The following CCDC59 variants were observed in gnomAD, a reference collection of about 807,000 sequenced individuals.
The protein encoded by CCDC59 is coiled-coil domain containing 59.
In CCDC59, 27 loss-of-function variants were observed where a neutral mutation model predicts 30.5. The observed-to-expected ratio is 0.89, with a 90% confidence interval of 0.65 to 1.22. The LOEUF (loss-of-function observed/expected upper bound fraction) is 1.22. Ranked by LOEUF, CCDC59 falls within the 50% of genes most tolerant of loss-of-function variation. CCDC59 has a pLI of 0.00. For synonymous variants in CCDC59, 125 were observed against 100.9 expected, an observed-to-expected ratio of 1.24 and a Z score of -1.43; for missense variants, 362 against 284.4, an observed-to-expected ratio of 1.27 and a Z score of -1.96.
At chr12:82,354,424 C>A (rs1336714345) in intron 3 of CCDC59, 71 bp downstream of exon 3, 2 of 1,189,714 alleles carry the variant, frequency 1.7e-6, no homozygotes, top group Non-Finnish European at 2.3e-6. Context: ...CCAAGAAGCA[C>A]AACAGGTATA....
chr12:82,354,792 T>G, intron 2 of CCDC59, 198 bp from the exon 3 acceptor site: 1 of 396,202 alleles, frequency 2.5e-6, no homozygotes. Context: ...CTTTTAAAAG[T>G]AATGAAACCA....
Position 82,354,549 on chromosome 12 carries a change from T to C in CCDC59, c.510A>G (p.Gln170=). The C allele has an allele frequency of 1.2e-6, 2 of 1,601,726 alleles. No homozygotes were observed. Among genetic ancestry groups the C allele is most frequent in the Non-Finnish European group, 1.7e-6 (2 of 1,172,302 alleles). The change falls in exon 3 of 4, where the codon CAA becomes CAG. Residue 170 remains glutamine (Q), a synonymous_variant. Transcript: ENST00000256151. The part of the protein sequence containing the change: ...PKKNKKKTSN[Q]KAQEEYEQIQ... Reference sequence around the variant, plus strand: ...TCTGTTCATATTCTTCTTGTGCTTTTTGATTTGATGTTTTCTTTTTATTTT... The same window carrying C: ...TCTGTTCATATTCTTCTTGTGCTTTCTGATTTGATGTTTTCTTTTTATTTT...
At chr12:82,356,349 C>T (rs1881009169) in intron 2 of CCDC59, among the ~76,000 whole-genome samples, 1 of 152,182 alleles carries the variant, frequency 6.6e-6, no homozygotes, top group African/African-American at 2.4e-5. Context: ...GTAGCTAACG[C>T]TCAAGAGCAC....
intron 3 of CCDC59, among the ~76,000 whole-genome samples, chr12:82,353,693 T>C (rs1880900756): frequency 6.6e-6 from 1 of 152,164 alleles, no homozygotes; most frequent in Non-Finnish European, 1.5e-5. Flanking sequence ...TGAAGAAATT[T>C]TCCTGCTTTC....
chr12:82,353,168 T>G lies in CCDC59; in HGVS notation c.709A>C (p.Ile237Leu). 6.3e-7 allele frequency: 1 copy of G among 1,599,932 alleles called. No homozygotes were observed. The highest frequency in any genetic ancestry group is 8.5e-7 in the Non-Finnish European group (1 of 1,176,702). Residue 237 changes from isoleucine to leucine, a missense_variant, in exon 4 of 4, where the codon ATA (isoleucine) becomes CTA (leucine). Physicochemically the swap from Ile to Leu is conservative, Grantham distance 5. Transcript: ENST00000256151. Reference sequence around the variant, plus strand: ...CAAAATGTTTAACATTTTTCTTGTATTTTTTGAAGAAGGTACTCCATTTGT... The same window carrying G: ...CAAAATGTTTAACATTTTTCTTGTAGTTTTTGAAGAAGGTACTCCATTTGT... ...NVQMEYLLQK[I>L]QEKC
At chr12:82,355,895 ACCTT>A (rs1383415077) in intron 2 of CCDC59, 1 of 152,088 alleles carries the variant, frequency 6.6e-6, no homozygotes, top group Non-Finnish European at 1.5e-5. Context: ...ATGATTTTTT[ACCTT>A]CCTTTCTCAT....
chr12:82,354,602 T>G lies in CCDC59; in HGVS notation c.465-8A>C. ...TTTGGAATTGTAAAGGAGCTTTTAA[T>G]TGGGGGATGAGGAAACAGGACTTTA... On this transcript the variant is annotated splice_region_variant and splice_polypyrimidine_tract_variant and intron_variant, in intron 2 of 3. Coordinates refer to ENST00000256151, the MANE Select transcript of CCDC59 (RefSeq NM_014167.5). 6.4e-7 allele frequency: 1 copy of G among 1,565,486 alleles called. No individual in the cohort carries two copies. The highest frequency in any genetic ancestry group is 2.3e-5 in the East Asian group (1 of 43,330).
chr12:82,358,279 C>G lies in CCDC59; in HGVS notation c.98G>C (p.Arg33Thr). The change falls in exon 1 of 4, where the codon AGA (arginine) becomes ACA (threonine). Residue 33 changes from arginine to threonine, a missense_variant. Transcript: ENST00000256151. Reference sequence around the variant, plus strand: ...GTGGTTAGGCCGCCATGTCTTCTGTCTCACATTCTTATTCCTGTACCCGAC... The same window carrying G: ...GTGGTTAGGCCGCCATGTCTTCTGTGTCACATTCTTATTCCTGTACCCGAC... ...STVGYRNKNV[R>T]QKTWRPNHPQ... 5 of 1,614,222 alleles carry G rather than the reference C, an allele frequency of 3.1e-6. No homozygotes were observed. Among genetic ancestry groups the G allele is most frequent in the Non-Finnish European group, 4.2e-6 (5 of 1,180,042 alleles).
intron 3 of CCDC59, 52 bp from the exon 4 acceptor site, chr12:82,353,364 T>C (rs774341442): frequency 7.0e-7 from 1 of 1,422,764 alleles, no homozygotes; most frequent in East Asian, 2.3e-5. Context: ...GTAGATACAG[T>C]TCAGAAATTG....
rs1444236159 is a variant in CCDC59 at position 82,353,294 on chromosome 12, G to A, written c.583C>T (p.Gln195Ter). 6.2e-7 allele frequency: 1 copy of A among 1,601,152 alleles called. No individual in the cohort carries two copies. Among genetic ancestry groups the A allele is most frequent in the African/African-American group, 1.4e-5 (1 of 73,844 alleles). ...AKKQEFERRK[Q>*]EREEAQRQYK... The stretch of plus-strand genomic sequence containing the variant: ...TGCCTTTGGGCTTCTTCTCTCTCCT[G>A]TTTTCTCCTCTCGAATTCCTAAAAT... The change falls in exon 4 of 4, where the codon CAG becomes TAG. Residue 195 changes from glutamine (Q) to a stop codon, truncating the protein, a stop_gained. Transcript: ENST00000256151. LOFTEE classifies it high-confidence loss of function.
chr12:82,353,462 A>G, intron 3 of CCDC59, 150 bp from the exon 4 acceptor site: 1 of 593,310 alleles, frequency 1.7e-6, no homozygotes, highest in East Asian at 2.9e-5. Flanking sequence ...ATTGAAGCAA[A>G]GTACCCTCTT....
At chr12:82,353,579 A>G (rs924039076) in intron 3 of CCDC59, among the ~76,000 whole-genome samples, 2 of 152,190 alleles carry the variant, frequency 1.3e-5, no homozygotes, top group African/African-American at 2.4e-5. Context: ...GTTTTACAGC[A>G]TAATGGTCAT....
intron 3 of CCDC59, among the ~76,000 whole-genome samples, 180 bp from the exon 4 acceptor site, chr12:82,353,492 C>A (rs550961290): frequency 6.6e-6 from 1 of 152,096 alleles, no homozygotes; most frequent in Non-Finnish European, 1.5e-5. Flanking sequence ...ATTATAATGA[C>A]CCATGGTATA....
chr12:82,357,211 T>C lies in CCDC59; in HGVS notation c.213A>G (p.Leu71=). 6.2e-7 allele frequency: 1 copy of C among 1,614,178 alleles called. No homozygotes were observed. Among genetic ancestry groups the C allele is most frequent in the African/African-American group, 1.3e-5 (1 of 75,064 alleles). ...LKIQQSYKKL[L]RKEKKAQTSL... is the part of the protein sequence containing the mutation. ...ACGTTTGAGCCTTCTTTTCCTTCCG[T>C]AGCAATTTCTTGTAACTTTGCTGTA... is the stretch of plus-strand genomic sequence containing the variant. The change falls in exon 2 of 4, where the codon CTA becomes CTG. Residue 71 remains leucine, a synonymous_variant. Coordinates refer to ENST00000256151, the MANE Select transcript of CCDC59 (RefSeq NM_014167.5).
At chr12:82,354,771 A>G in intron 2 of CCDC59, 177 bp from the exon 3 acceptor site, 1 of 329,972 alleles carries the variant, frequency 3.0e-6, no homozygotes, top group Non-Finnish European at 5.1e-6. Context: ...CTAAAATGTT[A>G]AAAAAAAAAA....
At chr12:82,358,053 C>T (rs2136755875) in intron 1 of CCDC59, among the ~76,000 whole-genome samples, 170 bp downstream of exon 1, 1 of 152,366 alleles carries the variant, frequency 6.6e-6, no homozygotes, top group South Asian at 2.1e-4. Context: ...GCTCCGTCTT[C>T]CTATCTAGAG....
chr12:82,353,076 G>A lies in CCDC59; in HGVS notation c.*75C>T. Reference sequence around the variant, plus strand: ...AATCCAGTTTATGTCGACAAATTTAGTTCACTGCTGGGAGGCACATGTCAC... The same window carrying A: ...AATCCAGTTTATGTCGACAAATTTAATTCACTGCTGGGAGGCACATGTCAC... On this transcript the variant is annotated 3_prime_UTR_variant, in exon 4 of 4. Transcript: ENST00000256151. The A allele has an allele frequency of 1.7e-6, 2 of 1,168,436 alleles. No homozygotes were observed. The highest frequency in any genetic ancestry group is 2.4e-6 in the Non-Finnish European group (2 of 834,128). 72.4% of individuals were successfully genotyped at this position (1,168,436 alleles called of 1,614,324 possible).
At chr12:82,356,628 A>G (rs79420404) in intron 2 of CCDC59, among the ~76,000 whole-genome samples, 172 of 152,352 alleles carry the variant, frequency 1.1e-3, no homozygotes, top group African/African-American at 3.5e-3. Flanking sequence ...CATACTGTTA[A>G]TGACTAAAAT....
At chr12:82,353,486 T>C (rs1482159855) in intron 3 of CCDC59, among the ~76,000 whole-genome samples, 174 bp from the exon 4 acceptor site, 1 of 152,184 alleles carries the variant, frequency 6.6e-6, no homozygotes, top group African/African-American at 2.4e-5. Flanking sequence ...CTTCATATTA[T>C]AATGACCCAT....
Sources: gnomAD v4.1 joint callset for allele counts (sites outside exome capture counted in the v4.1 genomes callset) on GRCh38, gnomAD v4.1.1 for gene constraint, MANE v1.5 for transcripts, NCBI Gene and HGNC (gene_info 2026-07-23, HGNC 2026-07-21) for gene names.